PYDC5: variants seen among roughly 807,000 people sequenced by gnomAD.
PYDC5 encodes pyrin domain-containing protein 5.
the PYDC5 span, among the ~76,000 whole-genome samples, chr1:159,001,449 G>C: frequency 6.6e-6 from 1 of 152,134 alleles, no homozygotes; most frequent in Non-Finnish European, 1.5e-5. Flanking sequence ...ATAGACAGGT[G>C]ATAGCTAGAG....
At chr1:159,001,600 G>C in the PYDC5 span, among the ~76,000 whole-genome samples, 2 of 152,082 alleles carry the variant, frequency 1.3e-5, no homozygotes, top group Non-Finnish European at 2.9e-5. Context: ...TCTTACCAGT[G>C]AAAGAAAAGA....
chr1:159,001,379 A>G, the PYDC5 span, among the ~76,000 whole-genome samples: 7 of 152,352 alleles, frequency 4.6e-5, no homozygotes, highest in South Asian at 1.4e-3. Flanking sequence ...TCCCATTGAT[A>G]GAGACAATGT....
the PYDC5 span, chr1:159,000,282 G>T: frequency 3.9e-6 from 1 of 253,372 alleles, no homozygotes. Flanking sequence ...AGGCTGGTTA[G>T]CAAGAGTATC....
the PYDC5 span, among the ~76,000 whole-genome samples, chr1:159,000,893 T>TA: frequency 6.6e-6 from 1 of 152,130 alleles, no homozygotes; most frequent in Non-Finnish European, 1.5e-5. Flanking sequence ...GAGATCTGAT[T>TA]ATTTAAAGTG....
chr1:159,002,342 G>T, the PYDC5 span, among the ~76,000 whole-genome samples: 1 of 152,016 alleles, frequency 6.6e-6, no homozygotes, highest in East Asian at 1.9e-4. Context: ...AAAAAAACTA[G>T]TGTTATTTGC....
At chr1:159,002,471 ACT>A in the PYDC5 span, among the ~76,000 whole-genome samples, 2 of 152,026 alleles carry the variant, frequency 1.3e-5, no homozygotes, top group African/African-American at 2.4e-5. Context: ...TTGCTCCTTC[ACT>A]CTGTTCAGAT....
the PYDC5 span, among the ~76,000 whole-genome samples, chr1:159,000,563 C>T: frequency 6.6e-6 from 1 of 152,158 alleles, no homozygotes; most frequent in African/African-American, 2.4e-5. Flanking sequence ...AAATGGGATC[C>T]ATTTTCCTGT....
At chr1:159,001,561 A>T in the PYDC5 span, among the ~76,000 whole-genome samples, 5 of 152,204 alleles carry the variant, frequency 3.3e-5, no homozygotes, top group Admixed American at 1.3e-4. Flanking sequence ...TCAAATACTT[A>T]AAATGATTAA....
chr1:159,000,496 C>T, the PYDC5 span: 1 of 152,636 alleles, frequency 6.6e-6, no homozygotes, highest in Non-Finnish European at 1.5e-5. Context: ...CAAGATAGTC[C>T]TTCTTCCTGG....
the PYDC5 span, among the ~76,000 whole-genome samples, chr1:159,000,645 A>C: frequency 6.6e-6 from 1 of 152,224 alleles, no homozygotes; most frequent in Non-Finnish European, 1.5e-5. Context: ...TGTGCAATTT[A>C]AATTTTTTGA....
At chr1:159,001,874 G>T in the PYDC5 span, among the ~76,000 whole-genome samples, 3 of 152,150 alleles carry the variant, frequency 2.0e-5, no homozygotes, top group African/African-American at 7.2e-5. Context: ...CAAAGAAAAT[G>T]CAGACAATTG....
At chr1:159,001,210 A>T in the PYDC5 span, among the ~76,000 whole-genome samples, 1 of 152,216 alleles carries the variant, frequency 6.6e-6, no homozygotes, top group African/African-American at 2.4e-5. Flanking sequence ...TAACCACGTT[A>T]CTCAAATGTC....
the PYDC5 span, among the ~76,000 whole-genome samples, chr1:159,002,584 A>C: frequency 6.6e-6 from 1 of 152,170 alleles, no homozygotes; most frequent in African/African-American, 2.4e-5. Flanking sequence ...TTCTTCATAG[A>C]ATTTATCTGC....
the PYDC5 span, among the ~76,000 whole-genome samples, chr1:159,001,899 T>C: frequency 3.9e-5 from 6 of 152,248 alleles, no homozygotes; most frequent in East Asian, 1.9e-4. Context: ...GGTGGCTTCA[T>C]GTCCCAGGGG....
At chr1:159,002,003 A>T in the PYDC5 span, among the ~76,000 whole-genome samples, 1 of 152,210 alleles carries the variant, frequency 6.6e-6, no homozygotes, top group Admixed American at 6.5e-5. Context: ...TTTCACATGA[A>T]GCCTGGAAGA....
the PYDC5 span, among the ~76,000 whole-genome samples, chr1:159,002,132 A>T: frequency 6.6e-6 from 1 of 152,224 alleles, no homozygotes; most frequent in Non-Finnish European, 1.5e-5. Flanking sequence ...GCTGGCATTT[A>T]TTATAGTCTC....
the PYDC5 span, among the ~76,000 whole-genome samples, chr1:159,002,152 A>G: frequency 6.6e-6 from 1 of 152,204 alleles, no homozygotes; most frequent in Admixed American, 6.5e-5. Context: ...CTCAATTGTT[A>G]CATTTTAAAT....
chr1:159,000,193 C>T, the PYDC5 span: 2 of 237,552 alleles, frequency 8.4e-6, no homozygotes, highest in Non-Finnish European at 9.0e-6. Flanking sequence ...TTAGAGTATG[C>T]AGTTTGCCTG....
the PYDC5 span, among the ~76,000 whole-genome samples, chr1:159,001,635 CTAT>C: frequency 6.6e-6 from 1 of 152,138 alleles, no homozygotes; most frequent in African/African-American, 2.4e-5. Context: ...TCCTGAGCAT[CTAT>C]TATATGCTAA....
Sources: allele counts gnomAD v4.1 joint callset (sites outside exome capture counted in the v4.1 genomes callset), GRCh38; gene constraint gnomAD v4.1.1; transcripts MANE v1.5; gene names NCBI Gene and HGNC (gene_info 2026-07-23, HGNC 2026-07-21).